The following TFRC variants were observed in gnomAD, a reference collection of about 807,000 sequenced individuals.
TFRC encodes transferrin receptor.
TFRC carries 35 observed loss-of-function variants against 85.8 expected under a neutral mutation model. That is an observed-to-expected ratio of 0.41 (90% CI 0.31 to 0.54). The LOEUF (loss-of-function observed/expected upper bound fraction) is 0.54, where lower values mean the gene tolerates loss of function less well. Among genes scored for constraint, TFRC ranks in the 20% least tolerant of loss-of-function variants. The pLI, the probability that TFRC is intolerant of heterozygous loss-of-function variation, is 0.31. For missense variants in TFRC, 828 were observed against 921.5 expected (o/e 0.90, Z 1.31); for synonymous variants, 362 against 328.6 (o/e 1.10, Z -1.10).
intron 4 of TFRC, among the ~76,000 whole-genome samples, chr3:196,073,047 A>ACAAACAAAC (rs1553798508): frequency 2.6e-4 from 29 of 110,578 alleles, no homozygotes; most frequent in South Asian, 1.3e-3. Flanking sequence ...AAAAAAAAAA[A>ACAAACAAAC]AAAAAAAAAA....
chr3:196,080,565 A>G (rs927570551), intron 1 of TFRC, among the ~76,000 whole-genome samples: 1 of 152,348 alleles, frequency 6.6e-6, no homozygotes, highest in Admixed American at 6.5e-5. Context: ...TAGCATTGTG[A>G]TCGATTCAGG....
chr3:196,071,348 G>A (rs772729488), intron 6 of TFRC, 48 bp downstream of exon 6: 2 of 1,486,260 alleles, frequency 1.3e-6, no homozygotes, highest in Non-Finnish European at 1.9e-6. Context: ...GATGAGTTTT[G>A]AATGATTCAA....
intron 6 of TFRC, 138 bp from the exon 7 acceptor site, chr3:196,069,706 G>C: frequency 3.7e-6 from 2 of 547,668 alleles, no homozygotes; most frequent in Non-Finnish European, 6.5e-6. Flanking sequence ...GCCTAAAAAA[G>C]ACATGAGTTC....
chr3:196,066,303 T>C (rs1717738529), intron 9 of TFRC, among the ~76,000 whole-genome samples: 1 of 152,010 alleles, frequency 6.6e-6, no homozygotes, highest in Admixed American at 6.6e-5. Flanking sequence ...TTATAAAAAA[T>C]ATTCCTCAGC....
chr3:196,075,439 T>A, intron 2 of TFRC, 79 bp from the exon 3 acceptor site: 2 of 1,375,132 alleles, frequency 1.5e-6, no homozygotes, highest in East Asian at 2.3e-5. Flanking sequence ...ATGCTTGTTA[T>A]TGGGCCATTA....
At chr3:196,055,028 C>T in intron 17 of TFRC, 52 bp downstream of exon 17, 1 of 1,557,158 alleles carries the variant, frequency 6.4e-7, no homozygotes, top group Non-Finnish European at 8.8e-7. Flanking sequence ...CATCACATTT[C>T]AAAATACTTG....
intron 1 of TFRC, among the ~76,000 whole-genome samples, chr3:196,078,074 A>G (rs569156565): frequency 1.4e-4 from 22 of 152,328 alleles, no homozygotes; most frequent in South Asian, 6.2e-4. Context: ...GAAATTTAAG[A>G]CATTAACCTT....
chr3:196,073,864 T>C, intron 4 of TFRC, 66 bp downstream of exon 4: 1 of 1,486,628 alleles, frequency 6.7e-7, no homozygotes, highest in East Asian at 2.3e-5. Context: ...CCATTATTGT[T>C]TCCCCGTGGC....
rs539968054 is a variant in TFRC, at chr3:196,074,446, G to C, written c.239-321C>G. On this transcript the variant is annotated intron_variant, in intron 3 of 18. Transcript: ENST00000360110. ...TAGCATTTGCTTCCTGGTGGAGTGGGAGCAAACAAAAAAATACATAAATAA... is the reference window on the plus strand; with the variant it reads ...TAGCATTTGCTTCCTGGTGGAGTGGCAGCAAACAAAAAAATACATAAATAA... 1.7e-4 allele frequency: 36 copies of C among 206,740 alleles called. No individual in the cohort carries two copies. The South Asian group carries it at 6.0e-3, about 34-fold the overall frequency. 12.8% of individuals were successfully genotyped at this position (206,740 alleles called of 1,614,324 possible).
At chr3:196,062,447 C>T (rs1418491897) in intron 13 of TFRC, 135 bp downstream of exon 13, 24 of 746,538 alleles carry the variant, frequency 3.2e-5, no homozygotes, top group East Asian at 7.7e-5. Flanking sequence ...GCAGGAGAAT[C>T]GCTTGAATCT....
chr3:196,052,405 T>C (rs954418088), intron 18 of TFRC, among the ~76,000 whole-genome samples: 1 of 149,356 alleles, frequency 6.7e-6, no homozygotes, highest in African/African-American at 2.5e-5. Flanking sequence ...GTTCAAGCAA[T>C]TCATGCTGGG....
chr3:196,061,538 G>A (rs1717282664), intron 13 of TFRC, among the ~76,000 whole-genome samples: 1 of 152,094 alleles, frequency 6.6e-6, no homozygotes, highest in Admixed American at 6.5e-5. Flanking sequence ...CGCCCAGGCT[G>A]GAGGGCAATG....
chr3:196,069,481 C>A lies in TFRC; in HGVS notation c.775G>T (p.Ala259Ser). 6.2e-7 allele frequency: 1 copy of A among 1,612,264 alleles called. No homozygotes were observed. The highest frequency in any genetic ancestry group is 2.2e-5 in the East Asian group (1 of 44,802). The part of the protein sequence containing the change: ...PVNGSIVIVR[A>S]GKITFAEKVA... ...TTTTCTGCAAAGGTGATTTTCCCTG[C>A]TCTGACAATCACTATAGATCCATTC... The change falls in exon 7 of 19, where the codon GCA becomes TCA. Residue 259 changes from alanine (A) to serine (S), a missense_variant. Ala to Ser is a moderately conservative substitution (Grantham distance 99). Transcript: ENST00000360110.
At chr3:196,069,296 T>TAG (rs1717996887) in intron 7 of TFRC, among the ~76,000 whole-genome samples, 159 bp downstream of exon 7, 1 of 152,218 alleles carries the variant, frequency 6.6e-6, no homozygotes, top group Non-Finnish European at 1.5e-5. Context: ...AAGTGGAACT[T>TAG]ACTTCATTTG....
At position 196,065,647 on chromosome 3, in the gene TFRC, C is replaced by T. The variant is rs1354789596; in HGVS notation, c.1041-47G>A. Reference sequence around the variant, plus strand: ...AAGTTCTGAGTTATTGTTCCTTGCCCAGGGTTTACTCCTGTCCAGTGAAGT... The same window carrying T: ...AAGTTCTGAGTTATTGTTCCTTGCCTAGGGTTTACTCCTGTCCAGTGAAGT... On this transcript the variant is annotated intron_variant, in intron 9 of 18. Transcript: ENST00000360110. The T allele has an allele frequency of 7.1e-6, 11 of 1,555,526 alleles. 1 individual carries two copies. Among genetic ancestry groups the T allele is most frequent in the Admixed American group, 2.0e-5 (1 of 51,196 alleles).
intron 14 of TFRC, 45 bp from the exon 15 acceptor site, chr3:196,058,677 A>C (rs752770955): frequency 1.4e-6 from 2 of 1,435,130 alleles, no homozygotes; most frequent in Non-Finnish European, 1.9e-6. Context: ...TTTGGAACTT[A>C]TTTATTCAGG....
At chr3:196,075,756 TGGGAGCAA>T (rs1051816399) in intron 2 of TFRC, among the ~76,000 whole-genome samples, 5 of 151,914 alleles carry the variant, frequency 3.3e-5, no homozygotes, top group South Asian at 2.1e-4. Context: ...ATGATGTTGG[TGGGAGCAA>T]GGGAGCAAGA....
chr3:196,059,895 T>C (rs1258879904), intron 14 of TFRC, among the ~76,000 whole-genome samples: 1 of 152,130 alleles, frequency 6.6e-6, no homozygotes, highest in Non-Finnish European at 1.5e-5. Context: ...TAAGCCTTCC[T>C]TAGCATTGTG....
chr3:196,065,414 G>GGGC, intron 10 of TFRC, 29 bp downstream of exon 10: 1 of 769,266 alleles, frequency 1.3e-6, no homozygotes, highest in Non-Finnish European at 1.7e-6. Flanking sequence ...AAAAAAAGCG[G>GGGC]GGCGGGGGGG....
Sources: allele counts gnomAD v4.1 joint callset (sites outside exome capture counted in the v4.1 genomes callset), GRCh38; gene constraint gnomAD v4.1.1; transcripts MANE v1.5; gene names NCBI Gene and HGNC (gene_info 2026-07-23, HGNC 2026-07-21).